The following PPP2R5E variants were observed in gnomAD, a reference collection of about 807,000 sequenced individuals.
PPP2R5E encodes serine/threonine-protein phosphatase 2A 56 kDa regulatory subunit epsilon isoform.
Under a neutral mutation model 65.3 loss-of-function variants are expected in PPP2R5E, and 4 were observed. The observed-to-expected ratio is 0.06, with a 90% CI of 0.03 to 0.14. The LOEUF (loss-of-function observed/expected upper bound fraction) is 0.14, where lower values mean the gene tolerates loss of function less well. Ranked by LOEUF, PPP2R5E falls within the 10% of genes least tolerant of loss-of-function variation. PPP2R5E has a pLI of 1.00. For missense variants in PPP2R5E, 274 were observed against 556.1 expected (o/e 0.49, Z 5.10); for synonymous variants, 183 against 187.4 (o/e 0.98, Z 0.19).
intron 12 of PPP2R5E, among the ~76,000 whole-genome samples, chr14:63,383,775 G>T (rs1371785051): frequency 6.6e-6 from 1 of 151,962 alleles, no homozygotes; most frequent in African/African-American, 2.4e-5. Context: ...CATAGGGCTG[G>T]ATGTTAAACT....
At chr14:63,382,564 G>A (rs1223215130) in intron 12 of PPP2R5E, among the ~76,000 whole-genome samples, 1 of 152,118 alleles carries the variant, frequency 6.6e-6, no homozygotes, top group Non-Finnish European at 1.5e-5. Context: ...ACCACACCTG[G>A]CTAATTTTGT....
chr14:63,375,755 T>C lies in PPP2R5E; in HGVS notation c.*254A>G, dbSNP rs1053353665. On this transcript the variant is annotated 3_prime_UTR_variant, in exon 14 of 14. Coordinates refer to ENST00000337537, the MANE Select transcript of PPP2R5E (RefSeq NM_006246.5). ...AACAGATCTTTGAAGACCGATTTTTTTTTTTAAAAGAGGGTGAGAACAATG... is the reference window on the plus strand; with the variant it reads ...AACAGATCTTTGAAGACCGATTTTTCTTTTTAAAAGAGGGTGAGAACAATG... The C allele has an allele frequency of 3.7e-6, 1 of 270,648 alleles. No homozygotes were observed. The highest frequency in any genetic ancestry group is 2.2e-5 in the African/African-American group (1 of 45,510). The allele number at this position is 270,648 out of a possible 1,614,324, so 16.8% of individuals were successfully genotyped here.
At chr14:63,442,016 A>T (rs1037815569) in intron 3 of PPP2R5E, among the ~76,000 whole-genome samples, 1 of 152,182 alleles carries the variant, frequency 6.6e-6, no homozygotes, top group African/African-American at 2.4e-5. Flanking sequence ...CTGCTAAATC[A>T]ATACTGTTAA....
At chr14:63,412,271 T>G (rs905901609) in intron 5 of PPP2R5E, among the ~76,000 whole-genome samples, 2 of 152,190 alleles carry the variant, frequency 1.3e-5, no homozygotes, top group African/African-American at 4.8e-5. Context: ...AGACCCTGTT[T>G]GTTTAAAAAA....
intron 2 of PPP2R5E, among the ~76,000 whole-genome samples, chr14:63,538,283 C>A (rs2139774824): frequency 6.7e-6 from 1 of 148,582 alleles, no homozygotes; most frequent in Non-Finnish European, 1.5e-5. Context: ...TCCCCCGAGA[C>A]AGAGTCTTGC....
intron 3 of PPP2R5E, among the ~76,000 whole-genome samples, chr14:63,423,822 T>C (rs769984237): frequency 5.9e-5 from 9 of 152,216 alleles, no homozygotes; most frequent in African/African-American, 1.4e-4. Context: ...TAAAAACCCA[T>C]GCCCTCATGG....
intron 8 of PPP2R5E, among the ~76,000 whole-genome samples, chr14:63,393,425 C>T (rs1274773133): frequency 2.0e-5 from 3 of 152,058 alleles, no homozygotes; most frequent in Non-Finnish European, 2.9e-5. Flanking sequence ...GGAATGAAGG[C>T]GATAGGCCCG....
intron 2 of PPP2R5E, among the ~76,000 whole-genome samples, chr14:63,473,853 A>G (rs902567073): frequency 6.6e-6 from 1 of 152,236 alleles, no homozygotes; most frequent in African/African-American, 2.4e-5. Flanking sequence ...AAAAATTGCA[A>G]TAGAAAAGCC....
At chr14:63,427,431 C>A (rs1273377518) in intron 3 of PPP2R5E, among the ~76,000 whole-genome samples, 1 of 151,922 alleles carries the variant, frequency 6.6e-6, no homozygotes, top group Non-Finnish European at 1.5e-5. Flanking sequence ...GAAATAAATG[C>A]CTCTGAGGTA....
chr14:63,466,614 G>A (rs111575685), intron 2 of PPP2R5E, among the ~76,000 whole-genome samples: 2,381 of 152,184 alleles, frequency 0.016, 34 homozygotes, highest in Non-Finnish European at 0.022. Context: ...GAACAGTTGA[G>A]GAAATCCAAA....
At chr14:63,472,503 T>C (rs1350876366) in intron 2 of PPP2R5E, among the ~76,000 whole-genome samples, 2 of 152,228 alleles carry the variant, frequency 1.3e-5, no homozygotes, top group African/African-American at 4.8e-5. Flanking sequence ...TTTGAACACC[T>C]GACATTTGTT....
At chr14:63,533,157 A>G (rs1381257932) in intron 2 of PPP2R5E, among the ~76,000 whole-genome samples, 2 of 152,214 alleles carry the variant, frequency 1.3e-5, no homozygotes, top group African/African-American at 4.8e-5. Flanking sequence ...GACTATTCTT[A>G]TTCTAATAGG....
At chr14:63,376,422 C>T (rs960631899) in intron 13 of PPP2R5E, among the ~76,000 whole-genome samples, 5 of 151,278 alleles carry the variant, frequency 3.3e-5, no homozygotes, top group African/African-American at 1.2e-4. Context: ...AATATATCTG[C>T]TCCTTTATTC....
At chr14:63,479,238 G>A (rs1890570868) in intron 2 of PPP2R5E, 1 of 152,156 alleles carries the variant, frequency 6.6e-6, no homozygotes, top group South Asian at 2.1e-4. Flanking sequence ...TGAGCTCTCT[G>A]GAAGATTAAC....
Position 63,375,911 on chromosome 14 carries a change from C to A in PPP2R5E, c.*98G>T. 1 of 826,130 alleles carries A rather than the reference C, an allele frequency of 1.2e-6. No homozygotes were observed. The highest frequency in any genetic ancestry group is 1.7e-5 in the South Asian group (1 of 60,036). 51.2% of individuals were successfully genotyped at this position (826,130 alleles called of 1,614,324 possible). A position where few individuals can be genotyped will look rare whatever the true frequency, so the allele number is the denominator to read the frequency against. Reference sequence around the variant, plus strand: ...TGTAATAATGAAACAAAGGTGAAATCTACTGTAAAGTTGCACAATACAGAA... The same window carrying A: ...TGTAATAATGAAACAAAGGTGAAATATACTGTAAAGTTGCACAATACAGAA... On this transcript the variant is annotated 3_prime_UTR_variant, in exon 14 of 14. Transcript: ENST00000337537.
In PPP2R5E at chr14:63,461,344, A is replaced by G. The variant is rs576606494; in HGVS notation, c.158-7459T>C. On this transcript the variant is annotated intron_variant, in intron 2 of 13. Coordinates refer to ENST00000337537, the MANE Select transcript of PPP2R5E (RefSeq NM_006246.5). ...ATGTTACGTGCCAGTAAAATTACAGAAAAAAAAAAAGCAGTTTGTCAATTT... is the reference window on the plus strand; with the variant it reads ...ATGTTACGTGCCAGTAAAATTACAGGAAAAAAAAAAGCAGTTTGTCAATTT... Among the ~76,000 whole-genome samples, 10 of 133,616 alleles carry G rather than the reference A, an allele frequency of 7.5e-5. No individual in the cohort carries two copies. In the South Asian group the frequency reaches 1.7e-3, roughly 23 times the overall value. The allele number at this position is 133,616 out of a possible 152,430, so 87.7% of individuals were successfully genotyped here.
chr14:63,395,372 GGGAGGAGGAGGAGAAGA>G lies in PPP2R5E; in HGVS notation c.681-104_681-88del, dbSNP rs1055653928. ...AAAGAGGAGGAGGAGGAGGAGAAGG[GGGAGGAGGAGGAGAAGA>G]GGAGGAGGAGGAGGAGAGCGGGGAA... On this transcript the variant is annotated intron_variant, in intron 6 of 13. Coordinates refer to ENST00000337537, the MANE Select transcript of PPP2R5E (RefSeq NM_006246.5). 6.7e-6 allele frequency: 5 copies of G among 749,130 alleles called. No homozygotes were observed. The South Asian group carries it at 6.8e-5, about 10-fold the overall frequency. 46.4% of individuals were successfully genotyped at this position (749,130 alleles called of 1,614,324 possible). A position where few individuals can be genotyped will look rare whatever the true frequency, so the allele number is the denominator to read the frequency against.
chr14:63,376,691 A>G (rs1884002869), intron 13 of PPP2R5E, among the ~76,000 whole-genome samples: 1 of 152,226 alleles, frequency 6.6e-6, no homozygotes, highest in African/African-American at 2.4e-5. Flanking sequence ...GACAAACTTT[A>G]TATTTTGCCA....
At chr14:63,430,381 A>ACATACATACATACATG (rs1566696520) in intron 3 of PPP2R5E, among the ~76,000 whole-genome samples, 3 of 133,038 alleles carry the variant, frequency 2.3e-5, no homozygotes, top group East Asian at 5.8e-4. Flanking sequence ...ATGCATGCAT[A>ACATACATACATACATG]CATACATACA....
Sources: gnomAD v4.1 joint callset for allele counts (sites outside exome capture counted in the v4.1 genomes callset) on GRCh38, gnomAD v4.1.1 for gene constraint, MANE v1.5 for transcripts, NCBI Gene and HGNC (gene_info 2026-07-23, HGNC 2026-07-21) for gene names.